Variants in CAB39 observed in about 807,000 individuals in gnomAD.
CAB39 encodes calcium binding protein 39.
Under a neutral mutation model 40.0 loss-of-function variants are expected in CAB39, and 8 were observed. That is an observed-to-expected ratio of 0.20 (90% CI 0.12 to 0.36). The LOEUF (loss-of-function observed/expected upper bound fraction) is 0.36, where lower values mean the gene tolerates loss of function less well. Ranked by LOEUF, CAB39 falls within the 10% of genes least tolerant of loss-of-function variation. CAB39 has a pLI of 1.00. For missense variants in CAB39, 270 were observed against 401.1 expected, an observed-to-expected ratio of 0.67 and a Z score of 2.79; for synonymous variants, 156 against 141.6, an observed-to-expected ratio of 1.10 and a Z score of -0.72.
chr2:230,745,638 G>T (rs775491307), intron 1 of CAB39, among the ~76,000 whole-genome samples: 3 of 151,914 alleles, frequency 2.0e-5, no homozygotes, highest in Non-Finnish European at 4.4e-5. Context: ...TTTTGCAGGG[G>T]AGGCGGGGCC....
chr2:230,754,709 G>C (rs113222711), intron 1 of CAB39, among the ~76,000 whole-genome samples: 1 of 152,148 alleles, frequency 6.6e-6, no homozygotes, highest in Non-Finnish European at 1.5e-5. Context: ...AGTAGAGACA[G>C]GGTTTTGCCA....
intron 2 of CAB39, among the ~76,000 whole-genome samples, chr2:230,781,622 T>C (rs1243567099): frequency 6.6e-6 from 1 of 152,154 alleles, no homozygotes; most frequent in Non-Finnish European, 1.5e-5. Context: ...GACATGATGA[T>C]TCAGCAGCTT....
chr2:230,772,979 C>CA (rs1402536381), intron 2 of CAB39, among the ~76,000 whole-genome samples: 4,574 of 60,406 alleles, frequency 0.076, 94 homozygotes, highest in Non-Finnish European at 0.088. Context: ...TACTACTCAG[C>CA]AATAAAAAAA....
chr2:230,746,949 T>A (rs1694987427), intron 1 of CAB39, among the ~76,000 whole-genome samples: 1 of 152,160 alleles, frequency 6.6e-6, no homozygotes, highest in Non-Finnish European at 1.5e-5. Flanking sequence ...TTGGGAGTGA[T>A]ACATACATAC....
At chr2:230,795,233 G>A (rs764050855) in intron 4 of CAB39, among the ~76,000 whole-genome samples, 6 of 149,968 alleles carry the variant, frequency 4.0e-5, no homozygotes, top group Admixed American at 2.0e-4. Context: ...CCGAGATTGC[G>A]CCACTGCACT....
chr2:230,810,962 A>G (rs201470139), intron 6 of CAB39, among the ~76,000 whole-genome samples: 11 of 152,138 alleles, frequency 7.2e-5, no homozygotes, highest in African/African-American at 2.4e-4. Flanking sequence ...GACCCGCACA[A>G]CTGCCTCTAG....
chr2:230,737,535 C>T (rs956208616), intron 1 of CAB39, among the ~76,000 whole-genome samples: 12 of 152,084 alleles, frequency 7.9e-5, no homozygotes, highest in Admixed American at 2.6e-4. Context: ...GAGGCCTGCA[C>T]GAAAATGATC....
intron 1 of CAB39, among the ~76,000 whole-genome samples, chr2:230,749,978 A>G (rs1467345643): frequency 6.6e-6 from 1 of 152,194 alleles, no homozygotes; most frequent in Non-Finnish European, 1.5e-5. Context: ...GTTTCATGAT[A>G]TTTGAACAAA....
At position 230,759,944 on chromosome 2, in the gene CAB39, T is replaced by C. The variant is rs148151323; in HGVS notation, c.-43-15T>C. 1.8e-3 allele frequency: 1,543 copies of C among 861,552 alleles called. 4 individuals are homozygous for C. The highest frequency in any genetic ancestry group is 2.7e-3 in the Non-Finnish European group (1,388 of 515,794). The allele number at this position is 861,552 out of a possible 1,614,324, so 53.4% of individuals were successfully genotyped here. On this transcript the variant is annotated splice_polypyrimidine_tract_variant and intron_variant, in intron 1 of 8. Transcript: ENST00000258418. ...TCCCAGTGTTTGCTCACATGAACCT[T>C]GTGCTGTGTTCTAGGTAGCACAGGC...
chr2:230,776,909 G>A (rs577340896), intron 2 of CAB39, among the ~76,000 whole-genome samples: 25 of 152,192 alleles, frequency 1.6e-4, no homozygotes, highest in African/African-American at 3.1e-4. Flanking sequence ...GGATGGTCTC[G>A]ATCTCCTGAC....
intron 1 of CAB39, among the ~76,000 whole-genome samples, chr2:230,723,093 C>T (rs1311211750): frequency 2.0e-5 from 3 of 152,062 alleles, no homozygotes; most frequent in African/African-American, 2.4e-5. Flanking sequence ...CAAATATGTT[C>T]ATACCTGTAA....
rs375056331 is a variant in CAB39 at position 230,814,056 on chromosome 2, G to A, written c.635G>A (p.Ser212Asn). Residue 212 changes from serine to asparagine, a missense_variant, in exon 7 of 9, where the codon AGT (serine) becomes AAT (asparagine). Physicochemically the swap from Ser to Asn is conservative, Grantham distance 46. Transcript: ENST00000258418. The stretch of plus-strand genomic sequence containing the variant: ...TGTTCTCTTATCTTTTAGTTTTTCA[G>A]TGAATATGAGAAGTTACTTCATTCA... ...FLEQHYDRFF[S>N]EYEKLLHSEN... 5 of 908,356 alleles carry A rather than the reference G, an allele frequency of 5.5e-6. No individual in the cohort carries two copies. Among genetic ancestry groups the A allele is most frequent in the Non-Finnish European group, 7.4e-6 (5 of 678,842 alleles). 56.3% of individuals were successfully genotyped at this position (908,356 alleles called of 1,614,324 possible).
intron 2 of CAB39, chr2:230,779,439 A>G (rs1695650097): frequency 6.6e-6 from 1 of 152,324 alleles, no homozygotes; most frequent in Non-Finnish European, 1.5e-5. Context: ...GATGATCCGC[A>G]TCTCTTTCTA....
At chr2:230,714,981 A>AATTCAGG (rs1287560871) in intron 1 of CAB39, among the ~76,000 whole-genome samples, 4 of 152,204 alleles carry the variant, frequency 2.6e-5, no homozygotes, top group Admixed American at 2.0e-4. Flanking sequence ...AAGCTTCCAA[A>AATTCAGG]ATTCAGGGAG....
chr2:230,727,219 A>G (rs1028485211), intron 1 of CAB39, among the ~76,000 whole-genome samples: 8 of 150,332 alleles, frequency 5.3e-5, no homozygotes, highest in Admixed American at 5.3e-4. Flanking sequence ...ATTTAATAAT[A>G]TATGTAAATA....
In CAB39 at chr2:230,753,431, A is replaced by T. The variant is rs563171920; in HGVS notation, c.-43-6528A>T. ...CCAGTCACATTAATACTTTTGGCTT[A>T]GCCCAAGGAATCCTGCTGAGGTTTA... is the stretch of plus-strand genomic sequence containing the variant. On this transcript the variant is annotated intron_variant, in intron 1 of 8. Transcript: ENST00000258418. 1.6e-3 allele frequency among the ~76,000 whole-genome samples: 242 copies of T among 152,338 alleles called. 2 individuals carry two copies. Among genetic ancestry groups the T allele is most frequent in the African/African-American group, 5.6e-3 (234 of 41,570 alleles).
rs887162177 is a variant in CAB39, at chr2:230,783,921, T to G, written c.115-6951T>G. ...ATCAGGAATGCTGATTTTCAGCCAT[T>G]CATCAATAATGTATGAAGCATTTTA... On this transcript the variant is annotated intron_variant, in intron 2 of 8. Coordinates refer to ENST00000258418, the MANE Select transcript of CAB39 (RefSeq NM_016289.4). 2.0e-5 allele frequency among the ~76,000 whole-genome samples: 3 copies of G among 152,230 alleles called. No homozygotes were observed. The East Asian group carries it at 5.8e-4, about 29-fold the overall frequency.
At chr2:230,743,916 CTTTTTT>C (rs1184035557) in intron 1 of CAB39, among the ~76,000 whole-genome samples, 2 of 127,726 alleles carry the variant, frequency 1.6e-5, no homozygotes, top group African/African-American at 3.0e-5. Flanking sequence ...ATACATGATA[CTTTTTT>C]TTTTTTTTTT....
intron 2 of CAB39, among the ~76,000 whole-genome samples, chr2:230,783,377 T>C (rs1469483970): frequency 6.6e-6 from 1 of 152,240 alleles, no homozygotes; most frequent in African/African-American, 2.4e-5. Context: ...GAACTGCAGT[T>C]ATTTTTTCAC....
Sources: gnomAD v4.1 joint callset for allele counts (sites outside exome capture counted in the v4.1 genomes callset) on GRCh38, gnomAD v4.1.1 for gene constraint, MANE v1.5 for transcripts, NCBI Gene and HGNC (gene_info 2026-07-23, HGNC 2026-07-21) for gene names.